Variants in KDM4B observed in about 807,000 individuals in gnomAD.
KDM4B encodes lysine-specific demethylase 4B.
A neutral mutation model predicts 125.2 loss-of-function variants in KDM4B; 32 were observed. The ratio of observed to expected loss-of-function variants is 0.26; its 90% CI spans 0.19 to 0.34. KDM4B has a LOEUF of 0.34. KDM4B is among the 10% of genes least tolerant of loss of function. KDM4B has a pLI of 1.00. For synonymous variants in KDM4B, 721 were observed against 677.9 expected, an observed-to-expected ratio of 1.06 and a Z score of -0.99; for missense variants, 1,190 against 1,577.7, an observed-to-expected ratio of 0.75 and a Z score of 4.16.
At chr19:4,974,643 C>T (rs1484967910) in intron 1 of KDM4B, among the ~76,000 whole-genome samples, 2 of 149,496 alleles carry the variant, frequency 1.3e-5, no homozygotes, top group African/African-American at 5.0e-5. Flanking sequence ...GATGTGGGGG[C>T]ACGAGAATCT....
chr19:4,980,417 CTTTCTTTTTTTT>C (rs1212724831), intron 1 of KDM4B, among the ~76,000 whole-genome samples: 10 of 132,446 alleles, frequency 7.6e-5, no homozygotes, highest in African/African-American at 2.8e-4. Context: ...TGTCCCTTTT[CTTTCTTTTTTTT>C]TTTTTTTTTT....
intron 13 of KDM4B, among the ~76,000 whole-genome samples, chr19:5,132,900 A>G (rs2039584560): frequency 6.6e-6 from 1 of 152,098 alleles, no homozygotes; most frequent in African/African-American, 2.4e-5. Context: ...CGCTGGCGGT[A>G]CTGTCTGGTT....
At chr19:5,088,668 C>A (rs192227252) in intron 9 of KDM4B, among the ~76,000 whole-genome samples, 4 of 140,834 alleles carry the variant, frequency 2.8e-5, no homozygotes, top group Non-Finnish European at 6.3e-5. Context: ...CCCCCCCTCC[C>A]CCCCCCCGCA....
At chr19:5,048,319 T>C (rs1167257023) in intron 6 of KDM4B, among the ~76,000 whole-genome samples, 1 of 152,158 alleles carries the variant, frequency 6.6e-6, no homozygotes, top group Non-Finnish European at 1.5e-5. Context: ...TGCGCGCGCA[T>C]GTGAGTGCGC....
rs1020028526 is a variant in KDM4B, at chr19:5,128,226, C to T, written c.1316-2850C>T. Among the ~76,000 whole-genome samples, 8 of 152,286 alleles carry T rather than the reference C, an allele frequency of 5.3e-5. No homozygotes were observed. In the East Asian group the frequency reaches 1.6e-3, roughly 30 times the overall value. On this transcript the variant is annotated intron_variant, in intron 11 of 22. Coordinates refer to ENST00000159111, the MANE Select transcript of KDM4B (RefSeq NM_015015.3). Reference sequence around the variant, plus strand: ...TGGGTGGGGGTGCCGGCTGGGGACTCTGATGAGTGTTTCCTCCTCGCCTCC... The same window carrying T: ...TGGGTGGGGGTGCCGGCTGGGGACTTTGATGAGTGTTTCCTCCTCGCCTCC...
intron 1 of KDM4B, among the ~76,000 whole-genome samples, chr19:5,007,426 C>T (rs1161608459): frequency 6.6e-6 from 1 of 151,720 alleles, no homozygotes; most frequent in Non-Finnish European, 1.5e-5. Flanking sequence ...GGTTGTTTGT[C>T]TTTTGTTGAG....
chr19:5,002,421 T>TACTTTCTCTCC (rs1343266712), intron 1 of KDM4B, among the ~76,000 whole-genome samples: 1 of 151,756 alleles, frequency 6.6e-6, no homozygotes, highest in Non-Finnish European at 1.5e-5. Flanking sequence ...CCTTTCTCTC[T>TACTTTCTCTCC]CCTTTCTCTC....
intron 8 of KDM4B, chr19:5,080,748 T>G (rs1568282580): frequency 6.6e-6 from 1 of 152,242 alleles, no homozygotes; most frequent in Non-Finnish European, 1.5e-5. Flanking sequence ...GGTACATAAG[T>G]GTTCTTAGCA....
intron 9 of KDM4B, among the ~76,000 whole-genome samples, chr19:5,101,340 TG>T (rs1472118710): frequency 6.6e-6 from 1 of 151,064 alleles, no homozygotes; most frequent in Non-Finnish European, 1.5e-5. Context: ...CTCTGATGCT[TG>T]GGGGTAACGA....
chr19:5,072,529 C>T (rs190560941), intron 7 of KDM4B, among the ~76,000 whole-genome samples: 101 of 152,254 alleles, frequency 6.6e-4, no homozygotes, highest in African/African-American at 2.2e-3. Context: ...ACAGACAGGC[C>T]GTAGCAAAGG....
At chr19:5,140,954 C>G (rs949073769) in intron 18 of KDM4B, 1 of 152,236 alleles carries the variant, frequency 6.6e-6, no homozygotes, top group Non-Finnish European at 1.5e-5. Flanking sequence ...TTCCCAGCCG[C>G]GGACACAGTG....
chr19:5,029,745 T>C (rs1203542109), intron 2 of KDM4B, among the ~76,000 whole-genome samples: 2 of 152,234 alleles, frequency 1.3e-5, no homozygotes, highest in Non-Finnish European at 2.9e-5. Flanking sequence ...GAGGATGGCT[T>C]GAGCCCAGGA....
chr19:5,047,379 G>A (rs1002053551), intron 5 of KDM4B, 97 bp from the exon 6 acceptor site: 7 of 1,181,332 alleles, frequency 5.9e-6, no homozygotes, highest in Middle Eastern at 2.6e-4. Flanking sequence ...GATGGGCAGC[G>A]ACCCCTGGGA....
rs369428698 is a variant in KDM4B, at chr19:5,114,161, C to T, written c.1115+3343C>T. 1.9e-4 allele frequency: 247 copies of T among 1,289,738 alleles called. 1 individual carries two copies. The South Asian group carries it at 2.1e-3, about 11-fold the overall frequency. The allele number at this position is 1,289,738 out of a possible 1,614,324, so 79.9% of individuals were successfully genotyped here. A position where few individuals can be genotyped will look rare whatever the true frequency, so the allele number is the denominator to read the frequency against. ...CTCACAGTGCTCTCTGGCACCCACG[C>T]GACGCTCCTCCATGCAAACTCTTTC... On this transcript the variant is annotated intron_variant, in intron 10 of 22. Transcript: ENST00000159111. This position sits in a 1 kb window ranked among gnomAD's most constrained non-coding sequence, Gnocchi z 5.8.
intron 1 of KDM4B, among the ~76,000 whole-genome samples, chr19:4,981,974 A>C (rs1022642574): frequency 6.6e-6 from 1 of 152,190 alleles, no homozygotes; most frequent in African/African-American, 2.4e-5. Context: ...AGAGATGAGA[A>C]CATGTTACTA....
Position 5,137,643 on chromosome 19 carries a change from G to C in KDM4B, c.2408G>C (p.Arg803Pro), listed in dbSNP as rs368606359. ...CAGGAGTGCTGCCTGTGCAACCTGCGAGGAGGTGCGCTGCAGATGACCACC... is the reference window on the plus strand; with the variant it reads ...CAGGAGTGCTGCCTGTGCAACCTGCCAGGAGGTGCGCTGCAGATGACCACC... Reference protein sequence around the residue: ...WTAECCLCNLRGGALQMTTDR... With the variant: ...WTAECCLCNLPGGALQMTTDR... The change falls in exon 17 of 23, where the codon CGA (arginine) becomes CCA (proline). Residue 803 changes from arginine to proline, a missense_variant. Physicochemically the swap from Arg to Pro is moderately radical, Grantham distance 103. Around this residue, in one of 7 missense-constraint regions of KDM4B, gnomAD observed 298 missense variants for 439.7 expected, o/e 0.68. Coordinates refer to ENST00000159111, the MANE Select transcript of KDM4B (RefSeq NM_015015.3). 1 of 1,602,208 alleles carries C rather than the reference G, an allele frequency of 6.2e-7. No homozygotes were observed. The highest frequency in any genetic ancestry group is 8.5e-7 in the Non-Finnish European group (1 of 1,178,032).
intron 1 of KDM4B, among the ~76,000 whole-genome samples, chr19:4,995,710 C>G (rs2035177580): frequency 6.6e-6 from 1 of 152,246 alleles, no homozygotes; most frequent in Non-Finnish European, 1.5e-5. Context: ...AGCCAGTGAG[C>G]TGCTGGAGGG....
At chr19:5,077,091 C>T in intron 7 of KDM4B, 1 of 475,178 alleles carries the variant, frequency 2.1e-6, no homozygotes, top group Non-Finnish European at 3.8e-6. Flanking sequence ...GGCATCTGCT[C>T]ACATGGTCAC....
At chr19:4,983,234 C>T (rs561292283) in intron 1 of KDM4B, among the ~76,000 whole-genome samples, 98 of 151,876 alleles carry the variant, frequency 6.5e-4, no homozygotes, top group Middle Eastern at 3.4e-3. Flanking sequence ...GCCCTGGCCC[C>T]GGATGCACTG....
Sources: gnomAD v4.1 joint callset for allele counts (sites outside exome capture counted in the v4.1 genomes callset) on GRCh38, gnomAD v4.1.1 for gene constraint, gnomAD v4.1.1 regional missense constraint, Gnocchi (gnomAD v3.1) non-coding constraint, MANE v1.5 for transcripts, NCBI Gene and HGNC (gene_info 2026-07-23, HGNC 2026-07-21) for gene names.